TESC: variants seen among roughly 807,000 people sequenced by gnomAD.
The protein encoded by TESC is calcineurin B homologous protein 3.
In TESC, 19 loss-of-function variants were observed where a neutral mutation model predicts 31.0. The observed-to-expected ratio is 0.61, with a 90% CI of 0.43 to 0.90. TESC has a LOEUF of 0.90. Ranked by LOEUF, TESC falls within the 40% of genes least tolerant of loss-of-function variation. The probability of loss-of-function intolerance (pLI) is 0.00; values close to 1 mark genes in which losing one functional copy is unlikely to be tolerated. For synonymous variants in TESC, 109 were observed against 114.8 expected (o/e 0.95, Z 0.32); for missense variants, 248 against 303.8 (o/e 0.82, Z 1.36).
At chr12:117,071,191 C>A (rs760332067) in intron 2 of TESC, among the ~76,000 whole-genome samples, 2 of 152,236 alleles carry the variant, frequency 1.3e-5, no homozygotes, top group African/African-American at 2.4e-5. Flanking sequence ...CTAGTCATTA[C>A]ATTCACTCCT....
At chr12:117,068,224 G>C (rs988908777) in intron 2 of TESC, among the ~76,000 whole-genome samples, 2 of 151,862 alleles carry the variant, frequency 1.3e-5, no homozygotes, top group African/African-American at 4.8e-5. Context: ...AAATGACAGA[G>C]CAGTGGTAAG....
At position 117,080,857 on chromosome 12, in the gene TESC, C is replaced by T. The variant is rs368133750; in HGVS notation, c.59-5517G>A. 8.5e-5 allele frequency among the ~76,000 whole-genome samples: 13 copies of T among 152,294 alleles called. No homozygotes were observed. The East Asian group carries it at 2.3e-3, about 27-fold the overall frequency. Reference sequence around the variant, plus strand: ...GTCTGCCTGCATCAGGGCCCCAAAGCCCACGGAAGGACCTGCCTTTTCCTC... The same window carrying T: ...GTCTGCCTGCATCAGGGCCCCAAAGTCCACGGAAGGACCTGCCTTTTCCTC... On this transcript the variant is annotated intron_variant, in intron 1 of 7. Transcript: ENST00000335209.
At chr12:117,094,549 TG>T (rs1223880275) in intron 1 of TESC, among the ~76,000 whole-genome samples, 1 of 151,948 alleles carries the variant, frequency 6.6e-6, no homozygotes, top group Non-Finnish European at 1.5e-5. Context: ...TTCGAAGGGG[TG>T]GCAGGTGACA....
intron 7 of TESC, 76 bp downstream of exon 7, chr12:117,041,871 C>T: frequency 6.9e-7 from 1 of 1,440,232 alleles, no homozygotes; most frequent in Non-Finnish European, 9.3e-7. Flanking sequence ...AGGTAAAGAG[C>T]CATGTCCCCT....
chr12:117,097,037 G>C (rs147147381), intron 1 of TESC, among the ~76,000 whole-genome samples: 70 of 152,294 alleles, frequency 4.6e-4, no homozygotes, highest in African/African-American at 1.6e-3. Flanking sequence ...CGGGCGTTTT[G>C]TTTACTGTGT....
At chr12:117,039,763 G>T (rs1164362755) in intron 7 of TESC, among the ~76,000 whole-genome samples, 1 of 152,218 alleles carries the variant, frequency 6.6e-6, no homozygotes, top group Non-Finnish European at 1.5e-5. Flanking sequence ...ATTCTAGAAA[G>T]ACAAACTCAA....
chr12:117,056,109 C>A (rs1314450743), intron 3 of TESC, among the ~76,000 whole-genome samples: 4 of 152,066 alleles, frequency 2.6e-5, no homozygotes, highest in African/African-American at 9.7e-5. Flanking sequence ...TTAGCAGAGA[C>A]AGGGTTTCAC....
chr12:117,077,919 A>G (rs12311213), intron 1 of TESC, among the ~76,000 whole-genome samples: 4,990 of 152,132 alleles, frequency 0.033, 305 homozygotes, highest in African/African-American at 0.11. Context: ...TGAGTGATGC[A>G]CTGTTCTGGA....
intron 2 of TESC, among the ~76,000 whole-genome samples, chr12:117,062,749 A>G (rs184742845): frequency 4.5e-4 from 69 of 152,330 alleles, no homozygotes; most frequent in African/African-American, 1.5e-3. Flanking sequence ...TGCTCCATCA[A>G]TACTCGTGTC....
intron 1 of TESC, among the ~76,000 whole-genome samples, chr12:117,077,257 G>A (rs939949911): frequency 6.6e-6 from 1 of 152,190 alleles, no homozygotes; most frequent in African/African-American, 2.4e-5. Context: ...CACTCTAGGA[G>A]GGGGCTGTAT....
At chr12:117,082,140 T>C (rs951282654) in intron 1 of TESC, among the ~76,000 whole-genome samples, 2 of 151,104 alleles carry the variant, frequency 1.3e-5, no homozygotes, top group African/African-American at 4.9e-5. Context: ...GCCTGGGAAG[T>C]TGAGGTTGCA....
chr12:117,065,656 A>G (rs541614381), intron 2 of TESC, among the ~76,000 whole-genome samples: 2 of 152,236 alleles, frequency 1.3e-5, no homozygotes, highest in Non-Finnish European at 2.9e-5. Flanking sequence ...TGGGAGGCTG[A>G]GGTGAGAGGA....
chr12:117,081,213 C>T (rs376001218), intron 1 of TESC, among the ~76,000 whole-genome samples: 1 of 152,074 alleles, frequency 6.6e-6, no homozygotes. Context: ...CTGAGATGGG[C>T]TGAAGTGGAA....
Position 117,041,937 on chromosome 12 carries a change from G to A in TESC, c.567+10C>T, listed in dbSNP as rs1487510350. The A allele has an allele frequency of 1.9e-6, 3 of 1,583,344 alleles. No homozygotes were observed. The highest frequency in any genetic ancestry group is 1.7e-4 in the Middle Eastern group (1 of 6,026). On this transcript the variant is annotated intron_variant, in intron 7 of 7. Transcript: ENST00000335209. ...GGGTCCCCCGAGGCTCCCACGCCCA[G>A]GCCACCCACCTTCAGGAAGTCCTCG...
chr12:117,041,984 T>TGGG lies in TESC; in HGVS notation c.529_530insCCC (p.Asp176_Gln177insPro). ...CTCGAAGGTGATCCCCTCGTACACC[T>TGGG]GATCAGGCTCCTGGGGACGGAAGCA... On this transcript the variant is annotated inframe_insertion, in exon 7 of 8. Transcript: ENST00000335209. The TGGG allele has an allele frequency of 6.3e-7, 1 of 1,596,034 alleles. No individual in the cohort carries two copies. Among genetic ancestry groups the TGGG allele is most frequent in the Non-Finnish European group, 8.5e-7 (1 of 1,170,952 alleles).
intron 1 of TESC, among the ~76,000 whole-genome samples, chr12:117,090,699 C>A (rs892439034): frequency 6.6e-6 from 1 of 152,148 alleles, no homozygotes; most frequent in African/African-American, 2.4e-5. Context: ...CACCTGTGTG[C>A]CATAGTGGGA....
chr12:117,096,695 A>T (rs1388920000), intron 1 of TESC, among the ~76,000 whole-genome samples: 1 of 152,090 alleles, frequency 6.6e-6, no homozygotes, highest in Admixed American at 6.5e-5. Context: ...TATAGTAGAT[A>T]AAACTGAGGC....
intron 3 of TESC, among the ~76,000 whole-genome samples, chr12:117,050,366 A>G (rs1245562927): frequency 6.6e-6 from 1 of 152,200 alleles, no homozygotes; most frequent in Non-Finnish European, 1.5e-5. Flanking sequence ...CGCTCTCACT[A>G]GTTCAAAATT....
At chr12:117,072,315 T>C (rs915443433) in intron 2 of TESC, among the ~76,000 whole-genome samples, 1 of 152,116 alleles carries the variant, frequency 6.6e-6, no homozygotes, top group Non-Finnish European at 1.5e-5. Context: ...CAGGTTGGGC[T>C]CAAGCGATCC....
Sources: allele counts gnomAD v4.1 joint callset (sites outside exome capture counted in the v4.1 genomes callset), GRCh38; gene constraint gnomAD v4.1.1; transcripts MANE v1.5; gene names NCBI Gene and HGNC (gene_info 2026-07-23, HGNC 2026-07-21).